PRSS23: variants seen among roughly 807,000 people sequenced by gnomAD.
The protein encoded by PRSS23 is protease, serine 23.
PRSS23 carries 25 observed loss-of-function variants against 34.7 expected under a neutral mutation model. The observed-to-expected ratio is 0.72, with a 90% CI of 0.53 to 1.01. The LOEUF (loss-of-function observed/expected upper bound fraction) is 1.01, where lower values mean the gene tolerates loss of function less well. Among genes scored for constraint, PRSS23 ranks in the 50% least tolerant of loss-of-function variants. PRSS23 has a pLI of 0.00. For synonymous variants in PRSS23, 176 were observed against 186.6 expected, an observed-to-expected ratio of 0.94 and a Z score of 0.46; for missense variants, 445 against 475.6, an observed-to-expected ratio of 0.94 and a Z score of 0.60.
chr11:86,802,095 GTC>G (rs1948046834), intron 1 of PRSS23, among the ~76,000 whole-genome samples: 1 of 152,170 alleles, frequency 6.6e-6, no homozygotes, highest in South Asian at 2.1e-4. Context: ...ATGGTTAATA[GTC>G]TCAGGTTCTC....
chr11:86,803,904 A>ATTTTCC (rs1219285571), intron 1 of PRSS23, among the ~76,000 whole-genome samples: 1 of 152,034 alleles, frequency 6.6e-6, no homozygotes, highest in Non-Finnish European at 1.5e-5. Flanking sequence ...AGCATGATTC[A>ATTTTCC]TTTTCCTTTT....
intron 2 of PRSS23, among the ~76,000 whole-genome samples, chr11:86,846,386 A>T (rs1182955731): frequency 1.3e-5 from 2 of 152,188 alleles, no homozygotes; most frequent in East Asian, 3.8e-4. Flanking sequence ...AAAGGTGATT[A>T]GTGTGGCTGC....
At chr11:86,935,853 C>G (rs1949158389) in intron 2 of PRSS23, 1 of 152,158 alleles carries the variant, frequency 6.6e-6, no homozygotes, top group Non-Finnish European at 1.5e-5. Context: ...CCACTTAGGA[C>G]AAACATCATT....
In PRSS23 at chr11:86,807,914, T is replaced by C. The variant is rs1261381318; in HGVS notation, c.271T>C (p.Tyr91His). The change falls in exon 2 of 2, where the codon TAT becomes CAT. Residue 91 changes from tyrosine (Y) to histidine (H), a missense_variant. Physicochemically the swap from Tyr to His is moderately conservative, Grantham distance 83 (BLOSUM62 2). Transcript: ENST00000280258. The stretch of plus-strand genomic sequence containing the variant: ...GCAATATCTGTCTTATGAAACGCTC[T>C]ATGCCAATGGCAGCCGCACAGAGAC... Reference protein sequence around the residue: ...AKQYLSYETLYANGSRTETQV... With the variant: ...AKQYLSYETLHANGSRTETQV... The C allele has an allele frequency of 6.2e-7, 1 of 1,614,192 alleles. No individual in the cohort carries two copies. The highest frequency in any genetic ancestry group is 8.5e-7 in the Non-Finnish European group (1 of 1,180,044).
At chr11:86,813,935 A>C (rs916902779), downstream of PRSS23, among the ~76,000 whole-genome samples, 1 of 152,192 alleles carries the variant, frequency 6.6e-6, no homozygotes, top group African/African-American at 2.4e-5. Context: ...TAGTGGTCAT[A>C]TCTGGAAGAG....
At chr11:86,792,135 A>G (rs1014848923) in intron 1 of PRSS23, among the ~76,000 whole-genome samples, 1 of 152,182 alleles carries the variant, frequency 6.6e-6, no homozygotes, top group Non-Finnish European at 1.5e-5. Context: ...CACTGTGCTC[A>G]GAAGGCTGGT....
intron 1 of PRSS23, among the ~76,000 whole-genome samples, 179 bp from the exon 2 acceptor site, chr11:86,807,452 A>G (rs1186359277): frequency 2.0e-5 from 3 of 152,174 alleles, no homozygotes; most frequent in Non-Finnish European, 4.4e-5. Flanking sequence ...AACTTTCCTA[A>G]GGTTGAGCCT....
chr11:86,950,735 A>G (rs1949283177), intron 2 of PRSS23: 1 of 256,244 alleles, frequency 3.9e-6, no homozygotes. Flanking sequence ...TTAGTATTTA[A>G]AATGGTAAAG....
At chr11:86,880,135 G>A (rs999453098) in intron 2 of PRSS23, among the ~76,000 whole-genome samples, 2 of 152,128 alleles carry the variant, frequency 1.3e-5, no homozygotes, top group Non-Finnish European at 2.9e-5. Context: ...CCTGTTGATC[G>A]GTGACCTTAC....
At chr11:86,848,974 T>C (rs1168733458) in intron 2 of PRSS23, among the ~76,000 whole-genome samples, 1 of 152,162 alleles carries the variant, frequency 6.6e-6, no homozygotes, top group Non-Finnish European at 1.5e-5. Context: ...ATGTCCAATA[T>C]GCCAAGGCAA....
intron 2 of PRSS23, among the ~76,000 whole-genome samples, chr11:86,852,351 C>T (rs951260696): frequency 6.6e-6 from 1 of 152,188 alleles, no homozygotes; most frequent in East Asian, 1.9e-4. Flanking sequence ...TCCTCATTAG[C>T]CAAAGTCACC....
chr11:86,819,993 A>T (rs544247586), intron 1 of PRSS23, among the ~76,000 whole-genome samples: 4 of 152,354 alleles, frequency 2.6e-5, no homozygotes, highest in Non-Finnish European at 4.4e-5. Flanking sequence ...AATCAGTCTT[A>T]CCACAATGAA....
intron 2 of PRSS23, among the ~76,000 whole-genome samples, chr11:86,943,897 C>T (rs1264072484): frequency 6.6e-6 from 1 of 151,876 alleles, no homozygotes; most frequent in African/African-American, 2.4e-5. Context: ...GCGCGTGTCA[C>T]ACCTGACTAG....
intron 2 of PRSS23, among the ~76,000 whole-genome samples, chr11:86,915,723 T>C (rs748691908): frequency 6.6e-6 from 1 of 151,958 alleles, no homozygotes; most frequent in African/African-American, 2.4e-5. Flanking sequence ...AGCAACTGTA[T>C]AATGAAATAT....
chr11:86,951,928 G>A lies in PRSS23; in HGVS notation c.*643G>A, dbSNP rs1253650858. The A allele has an allele frequency of 3.1e-6, 5 of 1,613,570 alleles. No individual in the cohort carries two copies. The highest frequency in any genetic ancestry group is 4.2e-6 in the Non-Finnish European group (5 of 1,179,782). ...CAAAATCACAGGATATCCTTTCCCG[G>A]CCTACAGTCAGCCTGACAATATAAG... On this transcript the variant is annotated 3_prime_UTR_variant, in exon 3 of 3. Coordinates refer to the PRSS23 transcript ENST00000533902.
intron 2 of PRSS23, among the ~76,000 whole-genome samples, chr11:86,859,035 T>C (rs575884107): frequency 2.6e-4 from 39 of 151,748 alleles, no homozygotes; most frequent in African/African-American, 7.7e-4. Flanking sequence ...CACACACCGG[T>C]CTAAAATCTA....
chr11:86,915,249 T>C (rs996347420), intron 2 of PRSS23, among the ~76,000 whole-genome samples: 2 of 152,172 alleles, frequency 1.3e-5, no homozygotes, highest in Non-Finnish European at 2.9e-5. Context: ...CAAGTAATGA[T>C]GTTCTGGTAA....
intron 2 of PRSS23, among the ~76,000 whole-genome samples, chr11:86,897,123 T>C (rs534931648): frequency 3.9e-5 from 6 of 152,256 alleles, no homozygotes; most frequent in African/African-American, 7.2e-5. Flanking sequence ...GAGACCTGAA[T>C]TGAGATCTTG....
intron 2 of PRSS23, among the ~76,000 whole-genome samples, chr11:86,834,615 A>T (rs1226016493): frequency 3.5e-5 from 3 of 86,604 alleles, no homozygotes; most frequent in Non-Finnish European, 6.7e-5. Context: ...TTCCTTTCCT[A>T]TGACTCCGGC....
Sources: gnomAD v4.1 joint callset for allele counts (sites outside exome capture counted in the v4.1 genomes callset) on GRCh38, gnomAD v4.1.1 for gene constraint, MANE v1.5 for transcripts, NCBI Gene and HGNC (gene_info 2026-07-23, HGNC 2026-07-21) for gene names.